The following AGO2 variants were observed in gnomAD, a reference collection of about 807,000 sequenced individuals.
The protein encoded by AGO2 is protein argonaute-2.
Under a neutral mutation model 102.3 loss-of-function variants are expected in AGO2, and 5 were observed. The ratio of observed to expected loss-of-function variants is 0.05; its 90% CI spans 0.03 to 0.10. The LOEUF (loss-of-function observed/expected upper bound fraction) is 0.10, where lower values mean the gene tolerates loss of function less well. AGO2 is among the 10% of genes least tolerant of loss of function. The pLI is 1.00. For synonymous variants in AGO2, 449 were observed against 473.1 expected, an observed-to-expected ratio of 0.95 and a Z score of 0.66; for missense variants, 541 against 1,183.7, an observed-to-expected ratio of 0.46 and a Z score of 7.97.
At chr8:140,561,429 C>G (rs2132944051) in intron 4 of AGO2, among the ~76,000 whole-genome samples, 1 of 152,322 alleles carries the variant, frequency 6.6e-6, no homozygotes, top group African/African-American at 2.4e-5. Flanking sequence ...GTAAGTAATC[C>G]AAAGGAATTC....
At chr8:140,590,434 A>G (rs2073730567) in intron 1 of AGO2, among the ~76,000 whole-genome samples, 1 of 152,120 alleles carries the variant, frequency 6.6e-6, no homozygotes, top group South Asian at 2.1e-4. Context: ...TGGGGGTCCC[A>G]GGTCCCTGGC....
At position 140,549,235 on chromosome 8, in the gene AGO2, C is replaced by T. The variant is rs112555275; in HGVS notation, c.1467G>A (p.Pro489=). 184 of 1,613,526 alleles carry T rather than the reference C, an allele frequency of 1.1e-4. No individual in the cohort carries two copies. Among genetic ancestry groups the T allele is most frequent in the African/African-American group, 8.3e-4 (62 of 75,060 alleles). ...CCCCCTGCGCGTATTTGCAGAAGCA[C>T]GGCTGGCCCTGGATGGGCATGCCGG... ...RDAGMPIQGQ[P]CFCKYAQGAD... The change falls in exon 12 of 19, where the codon CCG becomes CCA. Residue 489 remains proline (P), a synonymous_variant. Transcript: ENST00000220592.
At chr8:140,569,713 C>T (rs1363576753) in intron 3 of AGO2, among the ~76,000 whole-genome samples, 1 of 152,244 alleles carries the variant, frequency 6.6e-6, no homozygotes, top group African/African-American at 2.4e-5. Context: ...CCTGTCTCCA[C>T]CTCCAGTTCT....
chr8:140,638,720 G>A (rs1184599452), upstream of AGO2, among the ~76,000 whole-genome samples: 1 of 152,004 alleles, frequency 6.6e-6, no homozygotes, highest in Admixed American at 6.6e-5. Context: ...GACCACAGGT[G>A]CATGCCACCA....
chr8:140,563,333 G>A (rs2073232551), intron 3 of AGO2, among the ~76,000 whole-genome samples: 1 of 152,118 alleles, frequency 6.6e-6, no homozygotes, highest in Admixed American at 6.5e-5. Flanking sequence ...TAGGCTCAAG[G>A]GATCCTTTCG....
At chr8:140,536,003 C>T (rs113147426) in intron 16 of AGO2, among the ~76,000 whole-genome samples, 6,641 of 152,306 alleles carry the variant, frequency 0.044, 203 homozygotes, top group African/African-American at 0.088. Flanking sequence ...CAGGCAGAGG[C>T]GCTGGGAGGC....
At chr8:140,535,392 G>C (rs781717543) in intron 17 of AGO2, 76 bp downstream of exon 17, 1 of 1,466,714 alleles carries the variant, frequency 6.8e-7, no homozygotes, top group African/African-American at 1.4e-5. Context: ...GCCAGCCAGA[G>C]TGCAAGTGTT....
intron 5 of AGO2, 109 bp from the exon 6 acceptor site, chr8:140,559,638 C>A: frequency 1.4e-6 from 2 of 1,442,240 alleles, no homozygotes; most frequent in South Asian, 1.3e-5. Context: ...TGGGGACACC[C>A]GGCCGGGGTT....
At chr8:140,579,513 C>T (rs193273139) in intron 2 of AGO2, among the ~76,000 whole-genome samples, 206 of 152,254 alleles carry the variant, frequency 1.4e-3, no homozygotes, top group Middle Eastern at 6.8e-3. Context: ...AGTGTTACCA[C>T]CTAACCACTT....
intron 4 of AGO2, among the ~76,000 whole-genome samples, chr8:140,562,211 C>T (rs111249908): frequency 7.9e-5 from 12 of 152,332 alleles, no homozygotes; most frequent in South Asian, 2.1e-4. Flanking sequence ...AAGGCACCAG[C>T]GTGCACACAA....
chr8:140,624,173 G>C (rs1588515227), intron 1 of AGO2, among the ~76,000 whole-genome samples: 1 of 152,156 alleles, frequency 6.6e-6, no homozygotes, highest in East Asian at 1.9e-4. Flanking sequence ...CAGCTCCGAA[G>C]AGCCCCCACC....
intron 1 of AGO2, among the ~76,000 whole-genome samples, chr8:140,587,657 G>T (rs771882515): frequency 6.6e-6 from 1 of 152,262 alleles, no homozygotes; most frequent in Non-Finnish European, 1.5e-5. Context: ...CCTGGGCTGT[G>T]AGCCCCTGGC....
chr8:140,616,635 C>G (rs1459375301), intron 1 of AGO2, among the ~76,000 whole-genome samples: 1 of 152,178 alleles, frequency 6.6e-6, no homozygotes, highest in Non-Finnish European at 1.5e-5. Flanking sequence ...CTATTATTAT[C>G]CCATTTTACA....
chr8:140,601,494 G>T (rs1303378634), intron 1 of AGO2, among the ~76,000 whole-genome samples: 1 of 152,244 alleles, frequency 6.6e-6, no homozygotes, highest in African/African-American at 2.4e-5. Flanking sequence ...CCAGGGCTTA[G>T]AATCATGCCT....
chr8:140,614,015 CAAAAAAAAAAAAAAAA>C (rs59000809), intron 1 of AGO2, among the ~76,000 whole-genome samples: 4 of 57,650 alleles, frequency 6.9e-5, no homozygotes, highest in African/African-American at 2.9e-4. Flanking sequence ...GACCCTGTCT[CAAAAAAAAAAAAAAAA>C]AAAAAAAAAG....
At chr8:140,639,888 G>C (rs965018250), upstream of AGO2, among the ~76,000 whole-genome samples, 1 of 152,188 alleles carries the variant, frequency 6.6e-6, no homozygotes, top group Non-Finnish European at 1.5e-5. Context: ...CCTGGATGTG[G>C]TGTTCCCTTG....
At position 140,520,277 on chromosome 8, in the gene AGO2, A is replaced by G. The variant is rs945177848; in HGVS notation, c.*11767T>C. 6 of 152,236 alleles carry G rather than the reference A, an allele frequency of 3.9e-5. No individual in the cohort carries two copies. The highest frequency in any genetic ancestry group is 1.4e-4 in the African/African-American group (6 of 41,462). 9.4% of individuals were successfully genotyped at this position (152,236 alleles called of 1,614,324 possible). ...CATCATATTTTATCAGATTTACAGC[A>G]TTCTGTGCATGTTAGGGGTTATGTA... On this transcript the variant is annotated 3_prime_UTR_variant, in exon 19 of 19. Transcript: ENST00000220592.
upstream of AGO2, chr8:140,637,770 T>C (rs868575795): frequency 1.3e-5 from 2 of 152,664 alleles, no homozygotes; most frequent in Middle Eastern, 3.4e-3. Flanking sequence ...TCTTCTGGTG[T>C]CCCTCACTCA....
At chr8:140,610,773 C>G (rs1037240198) in intron 1 of AGO2, among the ~76,000 whole-genome samples, 4 of 152,172 alleles carry the variant, frequency 2.6e-5, no homozygotes, top group Non-Finnish European at 4.4e-5. Context: ...GGCCAACCCC[C>G]CCATATGCTC....
Sources: gnomAD v4.1 joint callset for allele counts (sites outside exome capture counted in the v4.1 genomes callset) on GRCh38, gnomAD v4.1.1 for gene constraint, MANE v1.5 for transcripts, NCBI Gene and HGNC (gene_info 2026-07-23, HGNC 2026-07-21) for gene names.